Variants in TENM3 observed in about 807,000 individuals in gnomAD.
TENM3 encodes the protein teneurin transmembrane protein 3.
TENM3 carries 63 observed loss-of-function variants against 255.1 expected under a neutral mutation model. That is an observed-to-expected ratio of 0.25 (90% CI 0.20 to 0.30). The LOEUF (loss-of-function observed/expected upper bound fraction) is 0.30, where lower values mean the gene tolerates loss of function less well. TENM3 is among the 10% of genes least tolerant of loss of function. The pLI, the probability that TENM3 is intolerant of heterozygous loss-of-function variation, is 1.00. For missense variants in TENM3, 2,929 were observed against 3,461.1 expected, an observed-to-expected ratio of 0.85 and a Z score of 3.86; for synonymous variants, 1,306 against 1,322.3, an observed-to-expected ratio of 0.99 and a Z score of 0.27.
intron 1 of TENM3, among the ~76,000 whole-genome samples, chr4:182,273,656 C>G (rs1759799553): frequency 6.6e-6 from 1 of 152,094 alleles, no homozygotes; most frequent in Non-Finnish European, 1.5e-5. Flanking sequence ...AAGGCAGGTG[C>G]AAAACAATTA....
the TENM3 span, among the ~76,000 whole-genome samples, chr4:182,023,199 CT>C: frequency 2.0e-5 from 3 of 152,082 alleles, no homozygotes; most frequent in Admixed American, 6.6e-5. Flanking sequence ...CTCTTTTAAA[CT>C]TTCTTTTTTC....
the TENM3 span, among the ~76,000 whole-genome samples, chr4:181,703,019 GA>G: frequency 6.6e-6 from 1 of 152,160 alleles, no homozygotes; most frequent in African/African-American, 2.4e-5. Context: ...TAAGGTAGGC[GA>G]AATCATCATC....
chr4:181,654,854 G>T, the TENM3 span, among the ~76,000 whole-genome samples: 1 of 151,948 alleles, frequency 6.6e-6, no homozygotes, highest in Non-Finnish European at 1.5e-5. Flanking sequence ...AGTAGTTGGG[G>T]CTCAGCAGTC....
chr4:182,769,294 T>C (rs1163188468), intron 22 of TENM3, among the ~76,000 whole-genome samples: 3 of 151,860 alleles, frequency 2.0e-5, no homozygotes, highest in Non-Finnish European at 4.4e-5. Context: ...AGAGTCGTCT[T>C]TGAAGACATT....
chr4:182,333,705 T>C (rs1214888532), intron 2 of TENM3, among the ~76,000 whole-genome samples: 1 of 152,172 alleles, frequency 6.6e-6, no homozygotes, highest in Non-Finnish European at 1.5e-5. Context: ...TTATTCAAAA[T>C]TGTTTTAGAT....
the TENM3 span, among the ~76,000 whole-genome samples, chr4:181,779,791 C>T: frequency 6.6e-6 from 1 of 152,096 alleles, no homozygotes; most frequent in Non-Finnish European, 1.5e-5. Context: ...TTCCCACTCC[C>T]CGCACCCCAC....
At chr4:181,851,774 T>A in the TENM3 span, among the ~76,000 whole-genome samples, 1 of 152,156 alleles carries the variant, frequency 6.6e-6, no homozygotes. Context: ...ACATCAGTAC[T>A]GTGTAGGGTT....
intron 3 of TENM3, among the ~76,000 whole-genome samples, chr4:182,503,996 T>C (rs1466220125): frequency 6.6e-6 from 1 of 151,588 alleles, no homozygotes; most frequent in Non-Finnish European, 1.5e-5. Context: ...ATCTGACATA[T>C]TATCTAATTT....
the TENM3 span, among the ~76,000 whole-genome samples, chr4:181,983,106 A>G: frequency 6.6e-6 from 1 of 152,180 alleles, no homozygotes; most frequent in African/African-American, 2.4e-5. Flanking sequence ...GAAGAATAGG[A>G]AGACATTCAC....
intron 1 of TENM3, among the ~76,000 whole-genome samples, chr4:182,159,982 C>T (rs1751001753): frequency 6.6e-6 from 1 of 152,178 alleles, no homozygotes; most frequent in East Asian, 1.9e-4. Context: ...TCTACCTATA[C>T]AGGGACAGCA....
chr4:182,669,521 C>G (rs932399964), intron 6 of TENM3, among the ~76,000 whole-genome samples: 3 of 152,112 alleles, frequency 2.0e-5, no homozygotes, highest in African/African-American at 7.2e-5. Flanking sequence ...CCGCCCTCCT[C>G]AGCCTCCCAA....
At chr4:181,779,808 C>A in the TENM3 span, among the ~76,000 whole-genome samples, 17 of 152,042 alleles carry the variant, frequency 1.1e-4, no homozygotes, top group African/African-American at 3.4e-4. Flanking sequence ...CCACGACAGG[C>A]CCCAGTGTGT....
the TENM3 span, among the ~76,000 whole-genome samples, chr4:181,544,408 T>TAAAAAAA: frequency 0.015 from 1,018 of 68,610 alleles, 132 homozygotes; most frequent in East Asian, 0.022. Context: ...CCTTCAGGAT[T>TAAAAAAA]AAAAAAAAAA....
the TENM3 span, among the ~76,000 whole-genome samples, chr4:181,589,426 C>T: frequency 6.6e-6 from 1 of 152,218 alleles, no homozygotes; most frequent in Non-Finnish European, 1.5e-5. Context: ...ACATTGAATG[C>T]TATGTACAAT....
chr4:181,751,563 C>T, the TENM3 span, among the ~76,000 whole-genome samples: 5 of 152,154 alleles, frequency 3.3e-5, no homozygotes, highest in Admixed American at 1.3e-4. Context: ...TACACATTGT[C>T]GGAGTCCAGA....
At chr4:182,080,441 G>C in the TENM3 span, among the ~76,000 whole-genome samples, 1 of 152,116 alleles carries the variant, frequency 6.6e-6, no homozygotes, top group African/African-American at 2.4e-5. Context: ...GAAAGGACTT[G>C]AGTGTAAAGT....
the TENM3 span, among the ~76,000 whole-genome samples, chr4:181,579,552 C>T: frequency 6.6e-6 from 1 of 152,164 alleles, no homozygotes; most frequent in Admixed American, 6.5e-5. Context: ...TCTAAAGAAA[C>T]TATGATGAGT....
chr4:181,972,500 A>C, the TENM3 span, among the ~76,000 whole-genome samples: 1 of 152,058 alleles, frequency 6.6e-6, no homozygotes, highest in Non-Finnish European at 1.5e-5. Flanking sequence ...TAACTTATTA[A>C]AATGCTAACC....
the TENM3 span, among the ~76,000 whole-genome samples, chr4:181,902,179 A>T: frequency 4.5e-5 from 2 of 44,722 alleles, no homozygotes; most frequent in Non-Finnish European, 1.0e-4. Context: ...TGTATATCTT[A>T]AAAGAGCCAA....
Sources: gnomAD v4.1 joint callset for allele counts (sites outside exome capture counted in the v4.1 genomes callset) on GRCh38, gnomAD v4.1.1 for gene constraint, MANE v1.5 for transcripts, NCBI Gene and HGNC (gene_info 2026-07-23, HGNC 2026-07-21) for gene names.